The following BRDT variants were observed in gnomAD, a reference collection of about 807,000 sequenced individuals.
BRDT encodes the protein bromodomain testis-specific protein.
A neutral mutation model predicts 113.9 loss-of-function variants in BRDT; 77 were observed. The observed-to-expected ratio is 0.68, with a 90% CI of 0.56 to 0.82. The LOEUF (loss-of-function observed/expected upper bound fraction) is 0.82. Among genes scored for constraint, BRDT ranks in the 40% least tolerant of loss-of-function variants. BRDT has a pLI of 0.00. For missense variants in BRDT, 1,027 were observed against 1,105.4 expected (o/e 0.93, Z 1.01); for synonymous variants, 358 against 366.5 (o/e 0.98, Z 0.26).
intron 1 of BRDT, among the ~76,000 whole-genome samples, chr1:91,961,171 C>T (rs1208090594): frequency 1.3e-5 from 2 of 151,628 alleles, no homozygotes; most frequent in African/African-American, 2.4e-5. Flanking sequence ...ATTAGCTGGG[C>T]GTGGTGGCAG....
Position 91,981,248 on chromosome 1 carries a change from T to C in BRDT, c.1751-20T>C. 1.2e-6 allele frequency: 2 copies of C among 1,611,770 alleles called. No individual in the cohort carries two copies. Among genetic ancestry groups the C allele is most frequent in the Non-Finnish European group, 1.7e-6 (2 of 1,178,872 alleles). ...TTGGTTTTTGGTTATACTCACTTTC[T>C]TCCCTCCTAAATCACACAGCTAAGA... On this transcript the variant is annotated intron_variant, in intron 10 of 18. Coordinates refer to ENST00000399546, the MANE Select transcript of BRDT (RefSeq NM_207189.4).
intron 1 of BRDT, chr1:91,950,008 G>C (rs1321834930): frequency 6.6e-6 from 1 of 152,170 alleles, no homozygotes; most frequent in Non-Finnish European, 1.5e-5. Flanking sequence ...TCTGCAAGTG[G>C]TCATTTGGGA....
intron 5 of BRDT, 61 bp from the exon 6 acceptor site, chr1:91,976,982 A>G (rs1684200557): frequency 7.6e-7 from 1 of 1,315,662 alleles, no homozygotes; most frequent in South Asian, 1.6e-5. Context: ...TTAACTGATA[A>G]GGAACTATGC....
rs1222605302 is a variant in BRDT, at chr1:91,968,239, G to A, written c.424G>A (p.Val142Ile). The A allele has an allele frequency of 6.2e-7, 1 of 1,614,080 alleles. No homozygotes were observed. Among genetic ancestry groups the A allele is most frequent in the Non-Finnish European group, 8.5e-7 (1 of 1,179,994 alleles). Residue 142 changes from valine (V) to isoleucine (I), a missense_variant, in exon 4 of 19, where the codon GTT (valine) becomes ATT (isoleucine). Physicochemically the swap from Val to Ile is conservative, Grantham distance 29. Coordinates refer to ENST00000399546, the MANE Select transcript of BRDT (RefSeq NM_207189.4). ...QMPQEEQVVG[V>I]KERIKKGTQQ... ...GCCACAAGAAGAGCAAGTTGTGGGT[G>A]TTAAGGAAAGAATCAAGAAAGGTAA... is the stretch of plus-strand genomic sequence containing the variant.
intron 12 of BRDT, among the ~76,000 whole-genome samples, chr1:91,983,586 A>G (rs1333449819): frequency 6.6e-6 from 1 of 152,118 alleles, no homozygotes; most frequent in Non-Finnish European, 1.5e-5. Flanking sequence ...TGCTGTGTTG[A>G]ATTTTTATTT....
chr1:91,981,034 A>G lies in BRDT; in HGVS notation c.1606A>G (p.Ile536Val). 2 of 1,614,138 alleles carry G rather than the reference A, an allele frequency of 1.2e-6. No homozygotes were observed. The highest frequency in any genetic ancestry group is 1.1e-5 in the South Asian group (1 of 91,076). The change falls in exon 10 of 19, where the codon ATA becomes GTA. Residue 536 changes from isoleucine to valine, a missense_variant. Ile to Val is a conservative substitution (Grantham distance 29, BLOSUM62 3). Coordinates refer to ENST00000399546, the MANE Select transcript of BRDT (RefSeq NM_207189.4). Reference sequence around the variant, plus strand: ...AGATAAACTTGGGCGAGTAGTTCACATAATACAATCAAGAGAGCCTTCTCT... The same window carrying G: ...AGATAAACTTGGGCGAGTAGTTCACGTAATACAATCAAGAGAGCCTTCTCT... ...PGDKLGRVVH[I>V]IQSREPSLSN...
intron 12 of BRDT, 51 bp downstream of exon 12, chr1:91,981,806 T>C (rs1434318482): frequency 6.7e-7 from 1 of 1,500,866 alleles, no homozygotes; most frequent in Non-Finnish European, 8.9e-7. Context: ...CTTTTTTTCC[T>C]GTAATATTGA....
intron 15 of BRDT, among the ~76,000 whole-genome samples, chr1:91,996,836 G>C (rs957407630): frequency 2.0e-5 from 3 of 152,166 alleles, no homozygotes; most frequent in African/African-American, 7.2e-5. Flanking sequence ...AGATGTTACA[G>C]AATATCTAAG....
At chr1:91,963,425 ATTC>A (rs1682714638) in intron 2 of BRDT, among the ~76,000 whole-genome samples, 2 of 152,188 alleles carry the variant, frequency 1.3e-5, no homozygotes, top group Non-Finnish European at 2.9e-5. Flanking sequence ...GAGCATTCGC[ATTC>A]TTATTTTAAT....
In BRDT at chr1:92,003,745, A is replaced by G. The variant is rs897248545; in HGVS notation, c.2389-669A>G. Among the ~76,000 whole-genome samples the G allele has an allele frequency of 2.0e-5, 3 of 152,196 alleles. No homozygotes were observed. The East Asian group carries it at 5.8e-4, about 29-fold the overall frequency. ...TGTAAATTGGGATGACTTAGTATGA[A>G]AAAATACTTTATGTCTTTTATATTG... On this transcript the variant is annotated intron_variant, in intron 16 of 18. Coordinates refer to ENST00000399546, the MANE Select transcript of BRDT (RefSeq NM_207189.4).
chr1:91,980,831 T>C lies in BRDT; in HGVS notation c.1460+16T>C, dbSNP rs1684649211. On this transcript the variant is annotated intron_variant, in intron 9 of 18. Transcript: ENST00000399546. Reference sequence around the variant, plus strand: ...CCAAGAGAAAGTAAGTATCTTTTATTATGATAGCTTATTAAGACAATAACG... The same window carrying C: ...CCAAGAGAAAGTAAGTATCTTTTATCATGATAGCTTATTAAGACAATAACG... The C allele has an allele frequency of 1.3e-6, 2 of 1,589,826 alleles. No homozygotes were observed. Among genetic ancestry groups the C allele is most frequent in the Non-Finnish European group, 1.7e-6 (2 of 1,173,556 alleles).
chr1:92,011,591 C>T (rs1222891341), intron 18 of BRDT, among the ~76,000 whole-genome samples: 4 of 152,096 alleles, frequency 2.6e-5, no homozygotes, highest in Non-Finnish European at 4.4e-5. Flanking sequence ...GGCACTCACA[C>T]GGGCCTGACT....
chr1:92,004,624 G>C lies in BRDT; in HGVS notation c.2594+5G>C, dbSNP rs1486806381. Reference sequence around the variant, plus strand: ...AGCATCTCAAGAAAATCAGAGGTCTGTAATTTACTGGATTAAAGGAGGGTT... The same window carrying C: ...AGCATCTCAAGAAAATCAGAGGTCTCTAATTTACTGGATTAAAGGAGGGTT... On this transcript the variant is annotated splice_donor_5th_base_variant and intron_variant, in intron 17 of 18. Coordinates refer to ENST00000399546, the MANE Select transcript of BRDT (RefSeq NM_207189.4). 5 of 1,590,894 alleles carry C rather than the reference G, an allele frequency of 3.1e-6. No homozygotes were observed. In the African/African-American group the frequency reaches 6.8e-5, roughly 22 times the overall value.
In BRDT at chr1:91,958,215, T is replaced by C. The variant is rs76889857; in HGVS notation, c.-37-4503T>C. Among the ~76,000 whole-genome samples the C allele has an allele frequency of 9.2e-3, 79 of 8,546 alleles. 1 individual carries two copies. Among genetic ancestry groups the C allele is most frequent in the Non-Finnish European group, 0.015 (26 of 1,736 alleles). 5.6% of individuals were successfully genotyped at this position (8,546 alleles called of 152,430 possible). On this transcript the variant is annotated intron_variant, in intron 1 of 18. Coordinates refer to ENST00000399546, the MANE Select transcript of BRDT (RefSeq NM_207189.4). ...TTTCATGACTTGATAACTCATGCCC[T>C]TTTTTTTTTTTTTTTTTTTAAAAGG...
At chr1:92,005,333 A>G in intron 18 of BRDT, 34 bp downstream of exon 18, 1 of 1,475,084 alleles carries the variant, frequency 6.8e-7, no homozygotes, top group Non-Finnish European at 9.0e-7. Context: ...ATCTAATTTA[A>G]CAAGGGAAAG....
Position 91,953,924 on chromosome 1 carries a change from A to AT in BRDT, c.-38+4253dup, listed in dbSNP as rs926071919. Among the ~76,000 whole-genome samples, 325 of 148,376 alleles carry AT rather than the reference A, an allele frequency of 2.2e-3. 3 individuals carry two copies. The highest frequency in any genetic ancestry group is 3.1e-3 in the Non-Finnish European group (209 of 66,896). ...ATTAGATTTCATCTGCTCATGATAC[A>AT]TTTTTTTTTTTACTTAGCATTTTCT... On this transcript the variant is annotated intron_variant, in intron 1 of 18. Transcript: ENST00000399546.
rs758095755 is a variant in BRDT at position 92,002,121 on chromosome 1, A to G, written c.2360A>G (p.Glu787Gly). 4 of 1,613,676 alleles carry G rather than the reference A, an allele frequency of 2.5e-6. No homozygotes were observed. In the South Asian group the frequency reaches 4.4e-5, roughly 18 times the overall value. ...GGTGATAGTGACACAACGATGTTAG[A>G]ATCTGAATGTCAAGCTCCTGTACAG... ...PSGDSDTTML[E>G]SECQAPVQKD... The change falls in exon 16 of 19, where the codon GAA becomes GGA. Residue 787 changes from glutamate (E) to glycine (G), a missense_variant. Physicochemically the swap from Glu to Gly is moderately conservative, Grantham distance 98. Transcript: ENST00000399546.
intron 3 of BRDT, among the ~76,000 whole-genome samples, chr1:91,967,898 A>C (rs919678609): frequency 6.6e-6 from 1 of 152,226 alleles, no homozygotes; most frequent in Non-Finnish European, 1.5e-5. Context: ...TTTAGTGTTC[A>C]GAAAGCCATT....
intron 4 of BRDT, among the ~76,000 whole-genome samples, chr1:91,971,224 G>A (rs1236828863): frequency 6.6e-6 from 1 of 152,018 alleles, no homozygotes; most frequent in East Asian, 1.9e-4. Flanking sequence ...CACCCCTCAT[G>A]ACCCAAACAC....
Sources: gnomAD v4.1 joint callset for allele counts (sites outside exome capture counted in the v4.1 genomes callset) on GRCh38, gnomAD v4.1.1 for gene constraint, MANE v1.5 for transcripts, NCBI Gene and HGNC (gene_info 2026-07-23, HGNC 2026-07-21) for gene names.